Variants in SPOCD1 observed in about 807,000 individuals in gnomAD.
The protein encoded by SPOCD1 is SPOC domain containing 1, also known as SPOC domain-containing protein 1.
SPOCD1 carries 64 observed loss-of-function variants against 92.2 expected under a neutral mutation model. The ratio of observed to expected loss-of-function variants is 0.69; its 90% CI spans 0.57 to 0.86. SPOCD1 has a LOEUF of 0.86. Ranked by LOEUF, SPOCD1 falls within the 40% of genes least tolerant of loss-of-function variation. SPOCD1 has a pLI of 0.00. For synonymous variants in SPOCD1, 578 were observed against 619.3 expected, an observed-to-expected ratio of 0.93 and a Z score of 0.99; for missense variants, 1,360 against 1,543.1, an observed-to-expected ratio of 0.88 and a Z score of 1.99.
intron 2 of SPOCD1, among the ~76,000 whole-genome samples, chr1:31,805,138 C>A (rs1648737225): frequency 1.3e-5 from 2 of 151,822 alleles, no homozygotes; most frequent in South Asian, 4.2e-4. Flanking sequence ...CCCGCCACCA[C>A]ACCCGGCTAT....
Position 31,801,677 on chromosome 1 carries a change from T to C in SPOCD1, c.1412A>G (p.Lys471Arg). The stretch of plus-strand genomic sequence containing the variant: ...GTAAAAACCTACGTAGCACACAAGC[T>C]TCACTCCATGGGGTATTTTCACTTC... ...LEEVKIPHGV[K>R]LVCYLGSGPV... Residue 471 changes from lysine to arginine, a missense_variant, in exon 3 of 16, where the codon AAG (lysine) becomes AGG (arginine). Physicochemically the swap from Lys to Arg is conservative, Grantham distance 26. Coordinates refer to ENST00000360482, the MANE Select transcript of SPOCD1 (RefSeq NM_144569.7). 6.2e-7 allele frequency: 1 copy of C among 1,613,888 alleles called. No individual in the cohort carries two copies. The highest frequency in any genetic ancestry group is 8.5e-7 in the Non-Finnish European group (1 of 1,179,888).
Position 31,799,505 on chromosome 1 carries a change from C to G in SPOCD1, c.1784-20G>C. On this transcript the variant is annotated intron_variant, in intron 6 of 15. Coordinates refer to ENST00000360482, the MANE Select transcript of SPOCD1 (RefSeq NM_144569.7). Reference sequence around the variant, plus strand: ...GCTGAGCTGTAGGGAGAGAGCGTCACAGGCTCCCAGGGGTGCCCAGGGGAA... The same window carrying G: ...GCTGAGCTGTAGGGAGAGAGCGTCAGAGGCTCCCAGGGGTGCCCAGGGGAA... 6.3e-7 allele frequency: 1 copy of G among 1,599,804 alleles called. No homozygotes were observed.
At chr1:31,809,739 T>C (rs950400433) in intron 2 of SPOCD1, among the ~76,000 whole-genome samples, 1 of 152,202 alleles carries the variant, frequency 6.6e-6, no homozygotes, top group Non-Finnish European at 1.5e-5. Context: ...CAACGATCAT[T>C]ATCACTATTC....
chr1:31,796,748 G>A lies in SPOCD1; in HGVS notation c.2146-33C>T, dbSNP rs747235794. On this transcript the variant is annotated intron_variant, in intron 9 of 15. Coordinates refer to ENST00000360482, the MANE Select transcript of SPOCD1 (RefSeq NM_144569.7). Reference sequence around the variant, plus strand: ...GGTGGAGCAGGCCAAGCTGAGCCCAGTTAGGGGGCCTCTGGCCATCAAAAG... The same window carrying A: ...GGTGGAGCAGGCCAAGCTGAGCCCAATTAGGGGGCCTCTGGCCATCAAAAG... 7 of 1,613,384 alleles carry A rather than the reference G, an allele frequency of 4.3e-6. No individual in the cohort carries two copies. The South Asian group carries it at 6.6e-5, about 15-fold the overall frequency.
chr1:31,804,985 C>CTTTTTCTT (rs1553199550), intron 2 of SPOCD1, among the ~76,000 whole-genome samples: 1 of 105,916 alleles, frequency 9.4e-6, no homozygotes, highest in African/African-American at 3.6e-5. Flanking sequence ...TTCTTTCTTT[C>CTTTTTCTT]TTTTTTTTTT....
chr1:31,809,306 C>A (rs1649042253), intron 2 of SPOCD1, among the ~76,000 whole-genome samples: 1 of 152,144 alleles, frequency 6.6e-6, no homozygotes, highest in Non-Finnish European at 1.5e-5. Flanking sequence ...AGTCTGCTAC[C>A]ATCAAGGGCT....
At chr1:31,792,132 C>G (rs1647637148) in intron 15 of SPOCD1, 83 bp downstream of exon 15, 5 of 1,469,136 alleles carry the variant, frequency 3.4e-6, no homozygotes, top group Non-Finnish European at 4.6e-6. Context: ...GTGCCTGCCT[C>G]TACTGGGTGA....
In SPOCD1 at chr1:31,790,593, G is replaced by A. The variant is rs769668928; in HGVS notation, c.*10C>T. ...GGCATCAAAACCCCTGTTCTGGTGG[G>A]TAAGGAGGGTCAGGCCTTTCTAGGG... On this transcript the variant is annotated 3_prime_UTR_variant, in exon 16 of 16. Coordinates refer to ENST00000360482, the MANE Select transcript of SPOCD1 (RefSeq NM_144569.7). 5.8e-6 allele frequency: 9 copies of A among 1,550,770 alleles called. No homozygotes were observed. The South Asian group carries it at 7.1e-5, about 12-fold the overall frequency.
intron 3 of SPOCD1, 34 bp downstream of exon 3, chr1:31,801,630 G>T (rs758915920): frequency 6.2e-7 from 1 of 1,608,330 alleles, no homozygotes; most frequent in Admixed American, 1.7e-5. Context: ...AGGCAAGGGA[G>T]AAAGAAAAGC....
chr1:31,808,621 A>G (rs1648995795), intron 2 of SPOCD1, among the ~76,000 whole-genome samples: 1 of 152,198 alleles, frequency 6.6e-6, no homozygotes, highest in Non-Finnish European at 1.5e-5. Context: ...CATTTCCTTT[A>G]AAATCCAGAA....
chr1:31,809,527 C>CA (rs386366637), intron 2 of SPOCD1, among the ~76,000 whole-genome samples: 71,671 of 144,482 alleles, frequency 0.5, 18,057 homozygotes, highest in East Asian at 0.59. Context: ...ATGTAGTAGC[C>CA]AAAAAAAAAA....
intron 15 of SPOCD1, 195 bp downstream of exon 15, chr1:31,792,020 T>C: frequency 1.6e-6 from 1 of 633,396 alleles, no homozygotes. Flanking sequence ...GGTAAAGCTT[T>C]TAGAACAATG....
At position 31,801,705 on chromosome 1, in the gene SPOCD1, C is replaced by T. The variant is rs1330703428; in HGVS notation, c.1384G>A (p.Glu462Lys). ...EPSPGGCPRL[E>K]EVKIPHGVKL... The stretch of plus-strand genomic sequence containing the variant: ...ACTCCATGGGGTATTTTCACTTCCT[C>T]CTTGGAGAGAAAGAGGATGCAGAGA... Residue 462 changes from glutamate to lysine, a missense_variant and splice_region_variant, in exon 3 of 16, where the codon GAG (glutamate) becomes AAG (lysine). Physicochemically the swap from Glu to Lys is moderately conservative, Grantham distance 56. Coordinates refer to ENST00000360482, the MANE Select transcript of SPOCD1 (RefSeq NM_144569.7). 2 of 1,613,630 alleles carry T rather than the reference C, an allele frequency of 1.2e-6. No individual in the cohort carries two copies. The highest frequency in any genetic ancestry group is 3.3e-5 in the Admixed American group (2 of 60,020).
rs1264535509 is a variant in SPOCD1 at position 31,814,709 on chromosome 1, A to G, written c.625T>C (p.Trp209Arg). The stretch of plus-strand genomic sequence containing the variant: ...TCTGAATGAGCCCCTTGCCTCCTCC[A>G]TTTCTTTCTTACCCTCACAGGGACT... ...DPVPVRVRKK[W>R]RRQGAHSECE... Residue 209 changes from tryptophan to arginine, a missense_variant, in exon 2 of 16, where the codon TGG (tryptophan) becomes CGG (arginine). Around this residue, in one of 3 missense-constraint regions of SPOCD1, gnomAD observed 606 missense variants for 601.5 expected, o/e 1.01. Transcript: ENST00000360482. This position sits in a 1 kb window ranked among gnomAD's most constrained non-coding sequence, Gnocchi z 4.2. 1 of 1,605,916 alleles carries G rather than the reference A, an allele frequency of 6.2e-7. No individual in the cohort carries two copies. The highest frequency in any genetic ancestry group is 1.3e-5 in the African/African-American group (1 of 74,430).
Position 31,815,247 on chromosome 1 carries a change from C to T in SPOCD1, c.87G>A (p.Met29Ile). Residue 29 changes from methionine (M) to isoleucine (I), a missense_variant, in exon 2 of 16, where the codon ATG (methionine) becomes ATA (isoleucine). Transcript: ENST00000360482. ...GGCCTGGCATGGAGCTGGCTCCTTC[C>T]ATGTTCTGTAAAAGCTCACAGTTGT... ...PQHNCELLQN[M>I]EGASSMPGLS... is the part of the protein sequence containing the mutation. 6.2e-7 allele frequency: 1 copy of T among 1,603,668 alleles called. No individual in the cohort carries two copies. The highest frequency in any genetic ancestry group is 8.5e-7 in the Non-Finnish European group (1 of 1,171,988).
At chr1:31,811,300 G>A (rs949611154) in intron 2 of SPOCD1, among the ~76,000 whole-genome samples, 1 of 152,008 alleles carries the variant, frequency 6.6e-6, no homozygotes, top group Non-Finnish European at 1.5e-5. Flanking sequence ...GTGAAATCCT[G>A]CCTCTACTAA....
At position 31,814,416 on chromosome 1, in the gene SPOCD1, G is replaced by C. The variant is rs373942070; in HGVS notation, c.918C>G (p.Phe306Leu). Residue 306 changes from phenylalanine (F) to leucine (L), a missense_variant, in exon 2 of 16, where the codon TTC becomes TTG. By Grantham distance (22) the Phe-to-Leu change is conservative. Around this residue, in one of 3 missense-constraint regions of SPOCD1, gnomAD observed 606 missense variants for 601.5 expected, o/e 1.01. Transcript: ENST00000360482. This position sits in a 1 kb window ranked among gnomAD's most constrained non-coding sequence, Gnocchi z 4.2. ...GGGACTCCCCTCCACTGGGCACTGG[G>C]AACCCGACAGGGCCACAGGGGCTGC... ...QPGSPCGPVG[F>L]PVPSGGESLS... is the part of the protein sequence containing the mutation. 2.9e-5 allele frequency: 46 copies of C among 1,609,196 alleles called. No homozygotes were observed. In the African/African-American group the frequency reaches 5.6e-4, roughly 20 times the overall value.
In SPOCD1 at chr1:31,791,280, G is replaced by A; in HGVS notation, c.2974C>T (p.Leu992Phe). The change falls in exon 16 of 16, where the codon CTT becomes TTT. Residue 992 changes from leucine to phenylalanine, a missense_variant. By Grantham distance (22) the Leu-to-Phe change is conservative. Transcript: ENST00000360482. ...RPLGGPGLWALPVSPLLSPGL... is the reference protein window; with the variant it reads ...RPLGGPGLWAFPVSPLLSPGL... ...GGGGAAAGGAGAGGGGAGACAGGAA[G>A]AGCCCAAAGGCCTGCGGGGAAGAAC... 2 of 1,527,638 alleles carry A rather than the reference G, an allele frequency of 1.3e-6. No individual in the cohort carries two copies. Among genetic ancestry groups the A allele is most frequent in the Non-Finnish European group, 1.8e-6 (2 of 1,137,182 alleles). 94.6% of individuals were successfully genotyped at this position (1,527,638 alleles called of 1,614,324 possible).
chr1:31,798,401 A>T lies in SPOCD1; in HGVS notation c.2028+41T>A. The T allele has an allele frequency of 1.3e-6, 2 of 1,591,962 alleles. No homozygotes were observed. Among genetic ancestry groups the T allele is most frequent in the Non-Finnish European group, 1.7e-6 (2 of 1,167,352 alleles). On this transcript the variant is annotated intron_variant, in intron 8 of 15. Coordinates refer to ENST00000360482, the MANE Select transcript of SPOCD1 (RefSeq NM_144569.7). This position sits in a 1 kb window ranked among gnomAD's most constrained non-coding sequence, Gnocchi z 4.1. ...CCTAGCATCCTGCAGGGGCTCTGAG[A>T]TTCAGAGAGGGGACGCAGCCCAGCC...
Sources: gnomAD v4.1 joint callset for allele counts (sites outside exome capture counted in the v4.1 genomes callset) on GRCh38, gnomAD v4.1.1 for gene constraint, gnomAD v4.1.1 regional missense constraint, Gnocchi (gnomAD v3.1) non-coding constraint, MANE v1.5 for transcripts, NCBI Gene and HGNC (gene_info 2026-07-23, HGNC 2026-07-21) for gene names.